Variants in ZFPM2 observed in about 807,000 individuals in gnomAD.
ZFPM2 encodes the protein zinc finger protein, FOG family member 2, also known as zinc finger protein ZFPM2.
Under a neutral mutation model 98.6 loss-of-function variants are expected in ZFPM2, and 20 were observed. The observed-to-expected ratio is 0.20, with a 90% CI of 0.14 to 0.29. The LOEUF is 0.29. ZFPM2 is among the 10% of genes least tolerant of loss of function. The pLI is 1.00. For synonymous variants in ZFPM2, 518 were observed against 502.7 expected, an observed-to-expected ratio of 1.03 and a Z score of -0.41; for missense variants, 1,310 against 1,388.6, an observed-to-expected ratio of 0.94 and a Z score of 0.90.
At chr8:105,724,939 A>C (rs1811771851) in intron 5 of ZFPM2, among the ~76,000 whole-genome samples, 1 of 151,776 alleles carries the variant, frequency 6.6e-6, no homozygotes, top group Non-Finnish European at 1.5e-5. Context: ...TTTATTGAAA[A>C]AAATCCACAT....
intron 5 of ZFPM2, among the ~76,000 whole-genome samples, chr8:105,682,246 G>A (rs1009784043): frequency 1.3e-4 from 20 of 152,222 alleles, no homozygotes; most frequent in Admixed American, 5.9e-4. Context: ...AAGTCACAAC[G>A]TAAGGAGGGG....
At chr8:105,553,847 C>T (rs1322442362) in intron 3 of ZFPM2, among the ~76,000 whole-genome samples, 7 of 151,988 alleles carry the variant, frequency 4.6e-5, no homozygotes, top group Non-Finnish European at 8.8e-5. Flanking sequence ...CTTTCTTATC[C>T]ACACAATAAA....
chr8:105,661,579 C>G (rs1252088845), intron 5 of ZFPM2, among the ~76,000 whole-genome samples: 2 of 152,096 alleles, frequency 1.3e-5, no homozygotes, highest in Non-Finnish European at 2.9e-5. Flanking sequence ...TTTTCAGCTC[C>G]GAGTTGTCTG....
At chr8:105,496,542 A>G (rs1220558548) in intron 3 of ZFPM2, among the ~76,000 whole-genome samples, 7 of 152,262 alleles carry the variant, frequency 4.6e-5, no homozygotes, top group South Asian at 4.1e-4. Flanking sequence ...GTCAGGAAGC[A>G]GACAATGTTC....
chr8:105,798,718 C>T lies in ZFPM2; in HGVS notation c.740-6C>T. The T allele has an allele frequency of 5.0e-6, 8 of 1,609,042 alleles. No individual in the cohort carries two copies. The highest frequency in any genetic ancestry group is 1.7e-4 in the Middle Eastern group (1 of 5,842). On this transcript the variant is annotated splice_polypyrimidine_tract_variant and splice_region_variant and intron_variant, in intron 6 of 7. Transcript: ENST00000407775. ...GCAAATGTGTCTCTTGTGTTTTTAC[C>T]TGCAGAGGATATATTCCCTTGCAAG...
intron 2 of ZFPM2, among the ~76,000 whole-genome samples, chr8:105,426,831 C>G (rs1214401116): frequency 6.6e-6 from 1 of 151,958 alleles, no homozygotes; most frequent in East Asian, 1.9e-4. Context: ...GTGGTACACG[C>G]CTGTAGTCCC....
At chr8:105,602,341 A>G (rs540144043) in intron 4 of ZFPM2, among the ~76,000 whole-genome samples, 14 of 152,252 alleles carry the variant, frequency 9.2e-5, no homozygotes, top group Middle Eastern at 6.8e-3. Flanking sequence ...AATTACAGGA[A>G]GATAGATTTT....
At chr8:105,727,559 T>G (rs546836339) in intron 5 of ZFPM2, among the ~76,000 whole-genome samples, 1 of 151,794 alleles carries the variant, frequency 6.6e-6, no homozygotes, top group African/African-American at 2.4e-5. Context: ...CTAAAACTTT[T>G]GAAAAACTAG....
chr8:105,680,020 T>A (rs1326609440), intron 5 of ZFPM2, among the ~76,000 whole-genome samples: 6 of 152,172 alleles, frequency 3.9e-5, no homozygotes, highest in Non-Finnish European at 8.8e-5. Flanking sequence ...TGATTTGTTC[T>A]CCACATTTTG....
chr8:105,322,947 A>G (rs1812054817), intron 1 of ZFPM2, among the ~76,000 whole-genome samples: 1 of 152,032 alleles, frequency 6.6e-6, no homozygotes, highest in African/African-American at 2.4e-5. Flanking sequence ...CTATTTTTAT[A>G]AAGGGTAGGT....
At chr8:105,780,306 A>G (rs1002162634) in intron 5 of ZFPM2, 1 of 152,226 alleles carries the variant, frequency 6.6e-6, no homozygotes, top group Non-Finnish European at 1.5e-5. Context: ...TGCCCATGCA[A>G]GAGGAATGTG....
At chr8:105,453,699 T>TG (rs1233188671) in intron 3 of ZFPM2, among the ~76,000 whole-genome samples, 1 of 152,028 alleles carries the variant, frequency 6.6e-6, no homozygotes, top group African/African-American at 2.4e-5. Flanking sequence ...TGAAGTGCAG[T>TG]GGCCCCATCT....
chr8:105,647,680 A>C (rs1434004242), intron 5 of ZFPM2, among the ~76,000 whole-genome samples: 2 of 152,034 alleles, frequency 1.3e-5, no homozygotes, highest in Non-Finnish European at 2.9e-5. Context: ...TTCCAACTTC[A>C]TCCACGTCCC....
chr8:105,722,585 C>G (rs1446063996), intron 5 of ZFPM2, among the ~76,000 whole-genome samples: 1 of 151,652 alleles, frequency 6.6e-6, no homozygotes, highest in Non-Finnish European at 1.5e-5. Context: ...TAAGGTAAGC[C>G]AAAGAAAAGA....
chr8:105,471,301 C>CA (rs1349870959), intron 3 of ZFPM2, among the ~76,000 whole-genome samples: 1 of 151,978 alleles, frequency 6.6e-6, no homozygotes, highest in East Asian at 1.9e-4. Flanking sequence ...ACAAAGATGA[C>CA]AAAATATGCC....
chr8:105,556,955 C>T (rs1261155620), intron 3 of ZFPM2, among the ~76,000 whole-genome samples: 10 of 152,204 alleles, frequency 6.6e-5, no homozygotes. Context: ...ACTCCTGACC[C>T]TCAGGTGATC....
At chr8:105,519,602 T>C (rs1302589325) in intron 3 of ZFPM2, among the ~76,000 whole-genome samples, 1 of 152,138 alleles carries the variant, frequency 6.6e-6, no homozygotes, top group Non-Finnish European at 1.5e-5. Flanking sequence ...AGACTGGAGA[T>C]AATGCAGTTA....
chr8:105,649,120 A>G (rs1429313614), intron 5 of ZFPM2, among the ~76,000 whole-genome samples: 2 of 152,014 alleles, frequency 1.3e-5, no homozygotes, highest in African/African-American at 2.4e-5. Context: ...ATTCCTAGGT[A>G]TTTTGTTCTC....
Position 105,561,411 on chromosome 8 carries a change from G to A in ZFPM2, c.350G>A (p.Arg117Gln), listed in dbSNP as rs369680006. The A allele has an allele frequency of 8.7e-5, 141 of 1,613,370 alleles. No individual in the cohort carries two copies. The highest frequency in any genetic ancestry group is 1.1e-4 in the Non-Finnish European group (134 of 1,179,642). ...QKDGERKIQS[R>Q]QQLPVGTTWG... ...GATGGGGAACGAAAAATTCAGAGTC[G>A]ACAGCAACTTCCAGTGGGAACAACC... The change falls in exon 4 of 8, where the codon CGA (arginine) becomes CAA (glutamine). Residue 117 changes from arginine to glutamine, a missense_variant. Transcript: ENST00000407775.
Sources: gnomAD v4.1 joint callset for allele counts (sites outside exome capture counted in the v4.1 genomes callset) on GRCh38, gnomAD v4.1.1 for gene constraint, MANE v1.5 for transcripts, NCBI Gene and HGNC (gene_info 2026-07-23, HGNC 2026-07-21) for gene names.